Variants in CLSTN2 observed in about 807,000 individuals in gnomAD.
The protein encoded by CLSTN2 is calsyntenin 2.
Under a neutral mutation model 101.2 loss-of-function variants are expected in CLSTN2, and 48 were observed. The ratio of observed to expected loss-of-function variants is 0.47; its 90% confidence interval spans 0.38 to 0.60. The LOEUF (loss-of-function observed/expected upper bound fraction) is 0.60. CLSTN2 is among the 20% of genes least tolerant of loss of function. The pLI is 0.00. For synonymous variants in CLSTN2, 481 were observed against 463.6 expected (o/e 1.04, Z -0.48); for missense variants, 1,160 against 1,238.2 (o/e 0.94, Z 0.95).
intron 1 of CLSTN2, among the ~76,000 whole-genome samples, chr3:140,166,606 C>CT (rs887023939): frequency 7.9e-5 from 12 of 152,054 alleles, no homozygotes; most frequent in Non-Finnish European, 1.3e-4. Context: ...CATTAATACA[C>CT]TTTTTTTGCA....
chr3:140,340,358 G>A (rs1440256970), intron 2 of CLSTN2, among the ~76,000 whole-genome samples: 1 of 152,128 alleles, frequency 6.6e-6, no homozygotes, highest in Non-Finnish European at 1.5e-5. Context: ...GAATGAAAAG[G>A]ATTAAAAAAC....
rs1244559457 is a variant in CLSTN2, at chr3:139,947,849, T to TG, written c.109+12366_109+12367insG. 9.8e-5 allele frequency among the ~76,000 whole-genome samples: 3 copies of TG among 30,740 alleles called. No individual in the cohort carries two copies. In the East Asian group the frequency reaches 0.013, roughly 134 times the overall value. 20.2% of individuals were successfully genotyped at this position (30,740 alleles called of 152,430 possible). ...ATAAAGCATTTTTATTGCACTTGCA[T>TG]TTTTTTTTTCCTTTTTTAACAACTC... is the stretch of plus-strand genomic sequence containing the variant. On this transcript the variant is annotated intron_variant, in intron 1 of 16. Transcript: ENST00000458420.
At chr3:140,376,144 A>G (rs529758921) in intron 2 of CLSTN2, among the ~76,000 whole-genome samples, 8 of 152,320 alleles carry the variant, frequency 5.3e-5, no homozygotes, top group Non-Finnish European at 1.2e-4. Context: ...CTAACCACTG[A>G]ACTCAAGTTT....
intron 2 of CLSTN2, among the ~76,000 whole-genome samples, chr3:140,312,926 G>A (rs186655099): frequency 2.3e-4 from 35 of 152,318 alleles, no homozygotes; most frequent in Non-Finnish European, 3.7e-4. Flanking sequence ...GTCTTCGACC[G>A]AATCCTGAAC....
At chr3:140,334,642 G>C (rs919803706) in intron 2 of CLSTN2, among the ~76,000 whole-genome samples, 2 of 152,168 alleles carry the variant, frequency 1.3e-5, no homozygotes, top group Admixed American at 1.3e-4. Context: ...ACAGAATGAA[G>C]GGACATTCCT....
At chr3:140,197,472 A>T (rs190653612) in intron 2 of CLSTN2, among the ~76,000 whole-genome samples, 1 of 152,196 alleles carries the variant, frequency 6.6e-6, no homozygotes, top group Admixed American at 6.5e-5. Flanking sequence ...CTTTTTAAAG[A>T]TAAGGAAACT....
chr3:140,434,016 T>C (rs1041027414), intron 5 of CLSTN2, among the ~76,000 whole-genome samples: 3 of 152,184 alleles, frequency 2.0e-5, no homozygotes, highest in Admixed American at 6.5e-5. Flanking sequence ...TCCTTCCTGC[T>C]CTCTGCATGA....
chr3:140,410,431 A>G (rs1196789566), intron 4 of CLSTN2, among the ~76,000 whole-genome samples: 2 of 147,844 alleles, frequency 1.4e-5, no homozygotes, highest in Non-Finnish European at 3.0e-5. Flanking sequence ...AAAAAAACCT[A>G]CCAACCAAGG....
At chr3:140,241,808 TAC>T (rs1199296778) in intron 2 of CLSTN2, among the ~76,000 whole-genome samples, 1 of 112,282 alleles carries the variant, frequency 8.9e-6, no homozygotes, top group African/African-American at 3.3e-5. Flanking sequence ...TATATATATA[TAC>T]ACATATATAT....
chr3:140,097,025 A>G (rs1255861475), intron 1 of CLSTN2, among the ~76,000 whole-genome samples: 1 of 152,130 alleles, frequency 6.6e-6, no homozygotes, highest in Non-Finnish European at 1.5e-5. Flanking sequence ...TGGTTTCTTC[A>G]CTATAAGAAC....
intron 2 of CLSTN2, among the ~76,000 whole-genome samples, chr3:140,215,339 C>A (rs2010907114): frequency 6.6e-6 from 1 of 152,188 alleles, no homozygotes; most frequent in South Asian, 2.1e-4. Context: ...ATGGCAGGCT[C>A]ATTCTTTGGA....
chr3:140,090,569 T>A (rs1385098158), intron 1 of CLSTN2, among the ~76,000 whole-genome samples: 1 of 152,004 alleles, frequency 6.6e-6, no homozygotes, highest in Non-Finnish European at 1.5e-5. Context: ...TCGGGTGATG[T>A]GGGTGGAAGC....
chr3:140,467,984 T>C (rs1374883810), intron 8 of CLSTN2, among the ~76,000 whole-genome samples: 1 of 152,148 alleles, frequency 6.6e-6, no homozygotes, highest in Admixed American at 6.5e-5. Flanking sequence ...TGTGACAAGA[T>C]TAAGGATGCC....
chr3:140,208,203 T>C (rs1264615960), intron 2 of CLSTN2, among the ~76,000 whole-genome samples: 1 of 152,204 alleles, frequency 6.6e-6, no homozygotes, highest in Non-Finnish European at 1.5e-5. Context: ...ACAATGCTAA[T>C]ATAGTTATTT....
intron 11 of CLSTN2, among the ~76,000 whole-genome samples, chr3:140,558,262 A>G (rs373615721): frequency 3.0e-4 from 45 of 152,378 alleles, no homozygotes; most frequent in African/African-American, 1.0e-3. Context: ...TGGGGTCTCA[A>G]TTAGTAAGAC....
chr3:140,568,734 T>A lies in CLSTN2; in HGVS notation c.*2481T>A, dbSNP rs1369881064. ...TTTTCTCTTTGCTCAGTCTTTTCGA[T>A]CTGGTTGGGTAGGGAAGGTGTTCCT... On this transcript the variant is annotated 3_prime_UTR_variant, in exon 17 of 17. Transcript: ENST00000458420. 6.6e-6 allele frequency: 1 copy of A among 152,194 alleles called. No homozygotes were observed. Among genetic ancestry groups the A allele is most frequent in the Non-Finnish European group, 1.5e-5 (1 of 68,046 alleles). The allele number at this position is 152,194 out of a possible 1,614,324, so 9.4% of individuals were successfully genotyped here. A position where few individuals can be genotyped will look rare whatever the true frequency, so the allele number is the denominator to read the frequency against.
rs139507852 is a variant in CLSTN2, at chr3:140,259,506, A to G, written c.232+83433A>G. ...CAAAACAAAACAAAAAAAGCTGCACATATTTAAAGTATGCAATTTGATAAG... is the reference window on the plus strand; with the variant it reads ...CAAAACAAAACAAAAAAAGCTGCACGTATTTAAAGTATGCAATTTGATAAG... On this transcript the variant is annotated intron_variant, in intron 2 of 16. Transcript: ENST00000458420. Among the ~76,000 whole-genome samples, 424 of 152,268 alleles carry G rather than the reference A, an allele frequency of 2.8e-3. 1 individual carries two copies. The highest frequency in any genetic ancestry group is 9.5e-3 in the African/African-American group (394 of 41,564).
intron 1 of CLSTN2, among the ~76,000 whole-genome samples, chr3:139,979,707 T>G (rs866245048): frequency 6.6e-6 from 1 of 152,086 alleles, no homozygotes; most frequent in African/African-American, 2.4e-5. Context: ...TGGGGAATAG[T>G]ATCCCTGAGG....
At chr3:140,309,267 C>T (rs2087142096) in intron 2 of CLSTN2, among the ~76,000 whole-genome samples, 1 of 152,010 alleles carries the variant, frequency 6.6e-6, no homozygotes. Flanking sequence ...TGAGGAAGGC[C>T]AAGTAGGACA....
Sources: gnomAD v4.1 joint callset for allele counts (sites outside exome capture counted in the v4.1 genomes callset) on GRCh38, gnomAD v4.1.1 for gene constraint, MANE v1.5 for transcripts, NCBI Gene and HGNC (gene_info 2026-07-23, HGNC 2026-07-21) for gene names.